Variants in FBLIM1 observed in about 807,000 individuals in gnomAD.
FBLIM1 encodes filamin-binding LIM protein 1.
In FBLIM1, 29 loss-of-function variants were observed where a neutral mutation model predicts 37.4. That is an observed-to-expected ratio of 0.77 (90% CI 0.58 to 1.06). The LOEUF is 1.06. FBLIM1 is among the 50% of genes least tolerant of loss of function. FBLIM1 has a pLI of 0.00. For missense variants in FBLIM1, 449 were observed against 505.6 expected, an observed-to-expected ratio of 0.89 and a Z score of 1.07; for synonymous variants, 193 against 199.0, an observed-to-expected ratio of 0.97 and a Z score of 0.25.
In FBLIM1 at chr1:15,777,283, G is replaced by A. The variant is rs1337488283; in HGVS notation, c.1004G>A (p.Cys335Tyr). ...GRNFHENCYR[C>Y]EDCRILLSVE... The stretch of plus-strand genomic sequence containing the variant: ...AACTTCCATGAAAATTGCTACAGGT[G>A]TGAGGTGAGTGGAGCCTAGGTGGTT... Residue 335 changes from cysteine to tyrosine, a missense_variant, in exon 8 of 9, where the codon TGT becomes TAT. Physicochemically the swap from Cys to Tyr is radical, Grantham distance 194. Transcript: ENST00000375766. 1.2e-6 allele frequency: 2 copies of A among 1,609,172 alleles called. No individual in the cohort carries two copies. The highest frequency in any genetic ancestry group is 1.7e-5 in the Admixed American group (1 of 59,880).
At position 15,785,020 on chromosome 1, in the gene FBLIM1, A is replaced by G. The variant is rs1028091551; in HGVS notation, c.*359A>G. The G allele has an allele frequency of 6.0e-5, 11 of 183,752 alleles. No homozygotes were observed. The highest frequency in any genetic ancestry group is 1.2e-4 in the Admixed American group (2 of 16,604). The allele number at this position is 183,752 out of a possible 1,614,324, so 11.4% of individuals were successfully genotyped here. A position where few individuals can be genotyped will look rare whatever the true frequency, so the allele number is the denominator to read the frequency against. On this transcript the variant is annotated 3_prime_UTR_variant, in exon 9 of 9. Coordinates refer to ENST00000375766, the MANE Select transcript of FBLIM1 (RefSeq NM_017556.4). The stretch of plus-strand genomic sequence containing the variant: ...GTGGGGTTGAGCTGTTTGAGGACAA[A>G]CTCCAAGGTCCCTTAAAAAGTGCCT...
intron 6 of FBLIM1, among the ~76,000 whole-genome samples, chr1:15,771,665 C>T (rs559107942): frequency 5.3e-5 from 8 of 151,998 alleles, no homozygotes; most frequent in South Asian, 2.1e-4. Context: ...CAGGGACACG[C>T]GATGGCATTT....
chr1:15,778,965 C>T (rs2148645727), intron 8 of FBLIM1, among the ~76,000 whole-genome samples: 1 of 151,788 alleles, frequency 6.6e-6, no homozygotes, highest in Middle Eastern at 3.4e-3. Context: ...GAGACAGTCT[C>T]ACTCTGTCTC....
chr1:15,764,738 C>A, intron 2 of FBLIM1, 53 bp downstream of exon 2: 2 of 558,822 alleles, frequency 3.6e-6, no homozygotes, highest in Non-Finnish European at 6.3e-6. Flanking sequence ...GAGGGGCAGT[C>A]AGGACTTTTG....
chr1:15,778,386 G>A (rs994769381), intron 8 of FBLIM1, among the ~76,000 whole-genome samples: 6 of 152,200 alleles, frequency 3.9e-5, no homozygotes, highest in African/African-American at 1.4e-4. Context: ...GCAACATGGT[G>A]AAACCCTGTC....
At chr1:15,780,713 C>A (rs2148653835) in intron 8 of FBLIM1, among the ~76,000 whole-genome samples, 1 of 152,258 alleles carries the variant, frequency 6.6e-6, no homozygotes, top group Admixed American at 6.5e-5. Context: ...AGATCTCTTA[C>A]TCAGCCGATG....
Position 15,784,543 on chromosome 1 carries a change from C to T in FBLIM1, c.1009-5C>T. On this transcript the variant is annotated splice_polypyrimidine_tract_variant and splice_region_variant and intron_variant, in intron 8 of 8. Transcript: ENST00000375766. ...GCGGGTCAGCATGTGTCTTTGTCTC[C>T]CCAGGACTGCAGGATCCTCCTGTCT... The T allele has an allele frequency of 6.2e-7, 1 of 1,613,318 alleles. No homozygotes were observed. Among genetic ancestry groups the T allele is most frequent in the East Asian group, 2.2e-5 (1 of 44,862 alleles).
intron 1 of FBLIM1, among the ~76,000 whole-genome samples, chr1:15,762,508 A>G (rs959545599): frequency 3.3e-5 from 5 of 151,592 alleles, no homozygotes; most frequent in Non-Finnish European, 7.4e-5. Context: ...TGATCCAACC[A>G]CCTTGCCCTC....
rs145222711 is a variant in FBLIM1, at chr1:15,768,599, G to C, written c.510G>C (p.Pro170=). The C allele has an allele frequency of 7.2e-5, 116 of 1,611,874 alleles. No homozygotes were observed. The highest frequency in any genetic ancestry group is 4.9e-4 in the Admixed American group (29 of 59,452). Reference sequence around the variant, plus strand: ...TGGAGGAAGAGCTGCCACCTCCCCCGGCAGAACCTGTTGAGAAAGGGGCAT... The same window carrying C: ...TGGAGGAAGAGCTGCCACCTCCCCCCGCAGAACCTGTTGAGAAAGGGGCAT... ...RPMEEELPPP[P]AEPVEKGAST... Residue 170 remains proline, a synonymous_variant, in exon 5 of 9, where the codon CCG becomes CCC. Transcript: ENST00000375766.
Position 15,774,632 on chromosome 1 carries a change from G to A in FBLIM1, c.726G>A (p.Arg242=). The A allele has an allele frequency of 1.2e-6, 2 of 1,613,488 alleles. No individual in the cohort carries two copies. The highest frequency in any genetic ancestry group is 1.1e-5 in the South Asian group (1 of 91,034). ...CEPCYQDTLE[R]CGKCGEVVRD... is the part of the protein sequence containing the mutation. ...CTCTGTCCTAGGACACACTGGAGAGGTGCGGCAAGTGTGGCGAGGTGGTCC... is the reference window on the plus strand; with the variant it reads ...CTCTGTCCTAGGACACACTGGAGAGATGCGGCAAGTGTGGCGAGGTGGTCC... Residue 242 remains arginine (R), a synonymous_variant, in exon 7 of 9, where the codon AGG becomes AGA. Coordinates refer to ENST00000375766, the MANE Select transcript of FBLIM1 (RefSeq NM_017556.4).
At position 15,774,800 on chromosome 1, in the gene FBLIM1, C is replaced by T. The variant is rs1208829229; in HGVS notation, c.890+4C>T. 4.3e-5 allele frequency: 69 copies of T among 1,613,946 alleles called. No homozygotes were observed. Among genetic ancestry groups the T allele is most frequent in the Non-Finnish European group, 5.4e-5 (64 of 1,179,988 alleles). ...ACTGCCTGGACGACTTCTACAGGTACGAGAAGGGTTTGTGCACTGGGTGGG... is the reference window on the plus strand; with the variant it reads ...ACTGCCTGGACGACTTCTACAGGTATGAGAAGGGTTTGTGCACTGGGTGGG... On this transcript the variant is annotated splice_donor_region_variant and intron_variant, in intron 7 of 8. Coordinates refer to ENST00000375766, the MANE Select transcript of FBLIM1 (RefSeq NM_017556.4).
chr1:15,763,580 G>A (rs1205798183), intron 1 of FBLIM1, among the ~76,000 whole-genome samples: 4 of 151,358 alleles, frequency 2.6e-5, no homozygotes, highest in South Asian at 2.1e-4. Context: ...AGCTTGCAGT[G>A]AGCCAAGATC....
At chr1:15,759,555 G>C (rs1362031565) in intron 1 of FBLIM1, among the ~76,000 whole-genome samples, 1 of 152,122 alleles carries the variant, frequency 6.6e-6, no homozygotes, top group Non-Finnish European at 1.5e-5. Context: ...CCCCAGCCGA[G>C]CCCAGCCCCC....
At chr1:15,760,398 C>T (rs1187134252) in intron 1 of FBLIM1, among the ~76,000 whole-genome samples, 2 of 151,920 alleles carry the variant, frequency 1.3e-5, no homozygotes, top group African/African-American at 4.8e-5. Flanking sequence ...GGGGTGGTGG[C>T]GTGTGCCTGT....
intron 6 of FBLIM1, among the ~76,000 whole-genome samples, chr1:15,771,740 A>G (rs2069225304): frequency 6.6e-6 from 1 of 151,812 alleles, no homozygotes; most frequent in African/African-American, 2.4e-5. Context: ...TCCCATCTGA[A>G]AGCCTCTTTT....
intron 1 of FBLIM1, among the ~76,000 whole-genome samples, chr1:15,761,211 T>G (rs2068659924): frequency 2.0e-5 from 3 of 152,158 alleles, no homozygotes; most frequent in African/African-American, 7.2e-5. Flanking sequence ...AGATTTCTGG[T>G]CTGGATTGGG....
At chr1:15,761,950 C>T (rs1198414887) in intron 1 of FBLIM1, among the ~76,000 whole-genome samples, 1 of 152,190 alleles carries the variant, frequency 6.6e-6, no homozygotes, top group Non-Finnish European at 1.5e-5. Context: ...CACTGGACTC[C>T]CAGCTTTCCC....
At chr1:15,782,726 C>T (rs2069673772) in intron 8 of FBLIM1, among the ~76,000 whole-genome samples, 1 of 151,618 alleles carries the variant, frequency 6.6e-6, no homozygotes, top group Non-Finnish European at 1.5e-5. Flanking sequence ...CCCAGCTGGC[C>T]ATGGAGGAAG....
intron 6 of FBLIM1, 53 bp from the exon 7 acceptor site, chr1:15,774,565 G>GT (rs1438453794): frequency 6.4e-7 from 1 of 1,554,668 alleles, no homozygotes; most frequent in Non-Finnish European, 8.7e-7. Flanking sequence ...GACGACCCTC[G>GT]TGGGTTGGGG....
Sources: allele counts gnomAD v4.1 joint callset (sites outside exome capture counted in the v4.1 genomes callset), GRCh38; gene constraint gnomAD v4.1.1; transcripts MANE v1.5; gene names NCBI Gene and HGNC (gene_info 2026-07-23, HGNC 2026-07-21).